PREX2: variants seen among roughly 807,000 people sequenced by gnomAD.
The protein encoded by PREX2 is phosphatidylinositol-3,4,5-trisphosphate dependent Rac exchange factor 2.
Under a neutral mutation model 203.2 loss-of-function variants are expected in PREX2, and 107 were observed. The observed-to-expected ratio is 0.53, with a 90% confidence interval of 0.45 to 0.62. The LOEUF (loss-of-function observed/expected upper bound fraction) is 0.62, where lower values mean the gene tolerates loss of function less well. Ranked by LOEUF, PREX2 falls within the 20% of genes least tolerant of loss-of-function variation. The pLI is 0.00. For missense variants in PREX2, 1,777 were observed against 1,955.9 expected (o/e 0.91, Z 1.72); for synonymous variants, 672 against 663.6 (o/e 1.01, Z -0.19).
Position 68,060,530 on chromosome 8 carries a change from A to G in PREX2, c.1239-149A>G. The G allele has an allele frequency of 5.0e-6, 3 of 598,138 alleles. No homozygotes were observed. In the South Asian group the frequency reaches 6.7e-5, roughly 13 times the overall value. 37.1% of individuals were successfully genotyped at this position (598,138 alleles called of 1,614,324 possible). A position where few individuals can be genotyped will look rare whatever the true frequency, so the allele number is the denominator to read the frequency against. ...ACTTAAATGGCTGTAGGCCTTACAT[A>G]TGTGAAAAAATAATCTGTTGAAATG... On this transcript the variant is annotated intron_variant, in intron 10 of 39. Coordinates refer to ENST00000288368, the MANE Select transcript of PREX2 (RefSeq NM_024870.4).
chr8:67,994,273 C>T (rs370945826), intron 1 of PREX2, among the ~76,000 whole-genome samples: 5 of 152,168 alleles, frequency 3.3e-5, no homozygotes, highest in African/African-American at 7.2e-5. Context: ...TCACAGCTAA[C>T]GCTTAAGAAG....
chr8:68,021,139 A>C (rs958916253), intron 3 of PREX2, among the ~76,000 whole-genome samples: 36 of 152,178 alleles, frequency 2.4e-4, no homozygotes, highest in African/African-American at 7.5e-4. Flanking sequence ...CTCTTGTTTT[A>C]AAAGAATATC....
chr8:68,002,042 C>A (rs1180515073), intron 1 of PREX2, among the ~76,000 whole-genome samples: 1 of 151,412 alleles, frequency 6.6e-6, no homozygotes, highest in African/African-American at 2.4e-5. Context: ...CACAAGTTTC[C>A]CTATGTAACA....
intron 32 of PREX2, among the ~76,000 whole-genome samples, chr8:68,136,800 G>A (rs980908710): frequency 6.6e-6 from 1 of 152,090 alleles, no homozygotes; most frequent in African/African-American, 2.4e-5. Flanking sequence ...CCCTCCTTTG[G>A]GGTCTGGGGC....
chr8:68,226,696 A>G (rs1329470371), intron 39 of PREX2, among the ~76,000 whole-genome samples: 1 of 152,230 alleles, frequency 6.6e-6, no homozygotes, highest in Non-Finnish European at 1.5e-5. Flanking sequence ...GCTAAAAGCT[A>G]GAGGACTAAA....
At chr8:67,989,296 A>T (rs1243808421) in intron 1 of PREX2, among the ~76,000 whole-genome samples, 2 of 152,172 alleles carry the variant, frequency 1.3e-5, no homozygotes, top group African/African-American at 4.8e-5. Flanking sequence ...TTTCGAATTA[A>T]ATAGTTCTTT....
At chr8:68,149,238 A>G (rs1014072670) in intron 34 of PREX2, among the ~76,000 whole-genome samples, 8 of 152,168 alleles carry the variant, frequency 5.3e-5, no homozygotes, top group African/African-American at 9.7e-5. Flanking sequence ...AGGAGGGCAC[A>G]GTAGTTGATG....
chr8:68,006,617 C>T (rs951458902), intron 1 of PREX2, among the ~76,000 whole-genome samples: 1 of 151,836 alleles, frequency 6.6e-6, no homozygotes, highest in African/African-American at 2.4e-5. Context: ...CAGACTACAC[C>T]CCCCAATATT....
intron 11 of PREX2, among the ~76,000 whole-genome samples, chr8:68,063,288 T>C (rs372716133): frequency 6.6e-6 from 1 of 152,162 alleles, no homozygotes; most frequent in Non-Finnish European, 1.5e-5. Flanking sequence ...GCTTTTGTTT[T>C]TCGTGGGTGT....
intron 33 of PREX2, 97 bp from the exon 34 acceptor site, chr8:68,146,112 G>A (rs1811321614): frequency 2.6e-6 from 2 of 768,452 alleles, no homozygotes; most frequent in Non-Finnish European, 4.2e-6. Flanking sequence ...ATATATTGGT[G>A]TCGAGTAATT....
In PREX2 at chr8:68,093,559, A is replaced by G. The variant is rs748316397; in HGVS notation, c.2251-46A>G. On this transcript the variant is annotated intron_variant, in intron 20 of 39. Coordinates refer to ENST00000288368, the MANE Select transcript of PREX2 (RefSeq NM_024870.4). ...AAGTCTCCAAATGGGCATGTATTTT[A>G]GGAAGCACTAATACCTCTGAGGTTT... is the stretch of plus-strand genomic sequence containing the variant. 1.0e-5 allele frequency: 9 copies of G among 863,334 alleles called. No homozygotes were observed. In the East Asian group the frequency reaches 1.5e-4, roughly 14 times the overall value. 53.5% of individuals were successfully genotyped at this position (863,334 alleles called of 1,614,324 possible). A position where few individuals can be genotyped will look rare whatever the true frequency, so the allele number is the denominator to read the frequency against.
intron 35 of PREX2, among the ~76,000 whole-genome samples, chr8:68,188,098 G>A (rs1022191201): frequency 2.6e-5 from 4 of 152,128 alleles, no homozygotes; most frequent in Non-Finnish European, 5.9e-5. Context: ...TGTTTAAGAT[G>A]GGAAGAGGAA....
In PREX2 at chr8:68,019,453, G is replaced by T. The variant is rs990231313; in HGVS notation, c.214-96G>T. ...GGCAAGGTGGGAGGAAGGCATGGAT[G>T]TATGGTTTTCAGGTTGGAGAGAGAA... is the stretch of plus-strand genomic sequence containing the variant. On this transcript the variant is annotated intron_variant, in intron 2 of 39. Transcript: ENST00000288368. 3 of 965,726 alleles carry T rather than the reference G, an allele frequency of 3.1e-6. No homozygotes were observed. In the African/African-American group the frequency reaches 5.0e-5, roughly 16 times the overall value. The allele number at this position is 965,726 out of a possible 1,614,324, so 59.8% of individuals were successfully genotyped here. A position where few individuals can be genotyped will look rare whatever the true frequency, so the allele number is the denominator to read the frequency against.
At chr8:68,074,194 A>T (rs1234532187) in intron 14 of PREX2, among the ~76,000 whole-genome samples, 1 of 152,024 alleles carries the variant, frequency 6.6e-6, no homozygotes, top group East Asian at 1.9e-4. Flanking sequence ...CGAACCTCTG[A>T]CCTCAAGTGA....
At chr8:68,162,303 A>G (rs1038726066) in intron 35 of PREX2, among the ~76,000 whole-genome samples, 1 of 152,176 alleles carries the variant, frequency 6.6e-6, no homozygotes, top group Non-Finnish European at 1.5e-5. Context: ...GGTTTTCTCA[A>G]TTTCTGTTTA....
At chr8:68,013,107 C>T (rs571270106) in intron 1 of PREX2, among the ~76,000 whole-genome samples, 1 of 152,316 alleles carries the variant, frequency 6.6e-6, no homozygotes, top group South Asian at 2.1e-4. Flanking sequence ...GAGCACTTAC[C>T]AAGTGCCAGA....
chr8:68,160,434 C>A (rs991998727), intron 35 of PREX2, among the ~76,000 whole-genome samples: 1 of 151,914 alleles, frequency 6.6e-6, no homozygotes, highest in East Asian at 1.9e-4. Flanking sequence ...TATATCAAGG[C>A]AAACCAGAAT....
chr8:67,976,558 GAGAGAC>G (rs1293322807), intron 1 of PREX2, among the ~76,000 whole-genome samples: 38 of 95,920 alleles, frequency 4.0e-4, no homozygotes, highest in African/African-American at 7.2e-4. Context: ...GACAGAGAGA[GAGAGAC>G]AGAGACAGAG....
At chr8:68,109,000 A>G in intron 24 of PREX2, 1 of 447,636 alleles carries the variant, frequency 2.2e-6, no homozygotes, top group Non-Finnish European at 4.5e-6. Flanking sequence ...AAAAAAGTTG[A>G]TCTCATAGAA....
Sources: gnomAD v4.1 joint callset for allele counts (sites outside exome capture counted in the v4.1 genomes callset) on GRCh38, gnomAD v4.1.1 for gene constraint, MANE v1.5 for transcripts, NCBI Gene and HGNC (gene_info 2026-07-23, HGNC 2026-07-21) for gene names.